The following CECR2 variants were observed in gnomAD, a reference collection of about 807,000 sequenced individuals.
The protein encoded by CECR2 is chromatin remodeling regulator CECR2.
A neutral mutation model predicts 154.5 loss-of-function variants in CECR2; 30 were observed. The ratio of observed to expected loss-of-function variants is 0.19; its 90% CI spans 0.15 to 0.26. CECR2 has a LOEUF of 0.26. Ranked by LOEUF, CECR2 falls within the 10% of genes least tolerant of loss-of-function variation. The pLI is 1.00. For missense variants in CECR2, 1,743 were observed against 1,829.3 expected (o/e 0.95, Z 0.86); for synonymous variants, 725 against 683.7 (o/e 1.06, Z -0.94).
intron 1 of CECR2, among the ~76,000 whole-genome samples, chr22:17,452,185 G>T (rs58986467): frequency 0.014 from 2,189 of 152,310 alleles, 50 homozygotes; most frequent in African/African-American, 0.05. Context: ...TGATTCTCCT[G>T]TCTCAGCCTC....
At chr22:17,401,606 T>C (rs539739635) in intron 1 of CECR2, among the ~76,000 whole-genome samples, 43 of 152,322 alleles carry the variant, frequency 2.8e-4, no homozygotes, top group Non-Finnish European at 5.0e-4. Context: ...TTCTACTCAG[T>C]GTAAATGGAG....
At chr22:17,477,737 C>T (rs547796727) in intron 2 of CECR2, 55 bp downstream of exon 2, 4 of 1,248,422 alleles carry the variant, frequency 3.2e-6, no homozygotes, top group Non-Finnish European at 4.7e-6. Flanking sequence ...AATTAACCAA[C>T]CATAGTGATG....
intron 1 of CECR2, among the ~76,000 whole-genome samples, chr22:17,467,324 C>T (rs1259513502): frequency 1.3e-5 from 2 of 152,174 alleles, no homozygotes; most frequent in Non-Finnish European, 2.9e-5. Context: ...AGATCTCTCT[C>T]AGCTGGGTGA....
chr22:17,465,020 G>C (rs1022887562), intron 1 of CECR2, among the ~76,000 whole-genome samples: 5 of 132,774 alleles, frequency 3.8e-5, no homozygotes, highest in African/African-American at 1.4e-4. Context: ...TTTTTGAGAC[G>C]AAGTCTCGCT....
chr22:17,498,695 C>A (rs1187893189), intron 3 of CECR2, among the ~76,000 whole-genome samples: 2 of 152,192 alleles, frequency 1.3e-5, no homozygotes, highest in Non-Finnish European at 2.9e-5. Flanking sequence ...GCCGGAACTG[C>A]CACAGAGGAT....
rs1307077129 is a variant in CECR2 at position 17,374,254 on chromosome 22, G to A, written c.126+4345G>A. ...GTCTCCTTCCTGGTTGTGTTTGTAC[G>A]TGGGTAAGATCTCTTACCTAATCAG... On this transcript the variant is annotated intron_variant, in intron 1 of 18. Transcript: ENST00000262608. 3.9e-5 allele frequency among the ~76,000 whole-genome samples: 6 copies of A among 152,220 alleles called. No individual in the cohort carries two copies. The South Asian group carries it at 1.0e-3, about 26-fold the overall frequency.
chr22:17,551,934 G>T, intron 17 of CECR2, 97 bp from the exon 18 acceptor site: 3 of 1,130,224 alleles, frequency 2.7e-6, no homozygotes, highest in Admixed American at 1.9e-5. Flanking sequence ...GATCACCGGG[G>T]TGATGAAGGC....
At chr22:17,538,117 C>G (rs1225202161) in intron 10 of CECR2, among the ~76,000 whole-genome samples, 1 of 152,148 alleles carries the variant, frequency 6.6e-6, no homozygotes, top group Non-Finnish European at 1.5e-5. Flanking sequence ...ATTCAGGAGG[C>G]TAAGGTGACA....
chr22:17,468,115 T>C (rs1177427419), intron 1 of CECR2, among the ~76,000 whole-genome samples: 2 of 152,166 alleles, frequency 1.3e-5, no homozygotes, highest in Non-Finnish European at 2.9e-5. Flanking sequence ...TTGTGGAAGA[T>C]AACAGCAGGT....
At chr22:17,538,854 C>A in intron 12 of CECR2, 123 bp downstream of exon 12, 1 of 1,309,690 alleles carries the variant, frequency 7.6e-7, no homozygotes, top group South Asian at 1.4e-5. Context: ...GTCAAAAGTT[C>A]ATGTGATGTT....
chr22:17,360,938 A>G (rs376112526), intron 1 of CECR2, among the ~76,000 whole-genome samples: 15 of 152,022 alleles, frequency 9.9e-5, no homozygotes, highest in African/African-American at 3.6e-4. Flanking sequence ...TGAGGCGGGT[A>G]GATTGCTTTA....
chr22:17,515,984 C>T (rs2056045827), intron 8 of CECR2, among the ~76,000 whole-genome samples: 1 of 152,150 alleles, frequency 6.6e-6, no homozygotes, highest in Admixed American at 6.5e-5. Context: ...CAGTACCAGC[C>T]TTAAATTAGT....
At chr22:17,411,388 C>T (rs539945844) in intron 1 of CECR2, among the ~76,000 whole-genome samples, 16 of 152,196 alleles carry the variant, frequency 1.1e-4, no homozygotes, top group Non-Finnish European at 2.1e-4. Flanking sequence ...CACTTTGGAA[C>T]GAGTCCATCA....
intron 2 of CECR2, among the ~76,000 whole-genome samples, chr22:17,483,025 C>T (rs1489324690): frequency 1.3e-5 from 2 of 152,128 alleles, no homozygotes; most frequent in African/African-American, 4.8e-5. Flanking sequence ...CAGCCTCAGG[C>T]GGTCCTTCAG....
intron 1 of CECR2, among the ~76,000 whole-genome samples, chr22:17,464,864 T>A (rs892610375): frequency 2.6e-5 from 4 of 152,194 alleles, no homozygotes; most frequent in African/African-American, 9.6e-5. Flanking sequence ...GCCTCTCTAT[T>A]AAGTTTTTCA....
chr22:17,522,729 G>A (rs945276930), intron 8 of CECR2, among the ~76,000 whole-genome samples: 11 of 152,170 alleles, frequency 7.2e-5, no homozygotes, highest in Non-Finnish European at 1.5e-4. Flanking sequence ...ACTGGGCCAC[G>A]CGCCATGGCT....
chr22:17,487,559 G>A (rs568250521), intron 2 of CECR2, among the ~76,000 whole-genome samples: 18 of 152,136 alleles, frequency 1.2e-4, no homozygotes, highest in Non-Finnish European at 1.8e-4. Flanking sequence ...AAATCAGCCG[G>A]GTTTGGTAGC....
chr22:17,366,033 G>C (rs927432080), upstream of CECR2, among the ~76,000 whole-genome samples: 7 of 152,086 alleles, frequency 4.6e-5, no homozygotes, highest in African/African-American at 1.4e-4. Flanking sequence ...TTTTTAAATA[G>C]AAAACATTTG....
In CECR2 at chr22:17,443,288, T is replaced by G. The variant is rs530684824; in HGVS notation, c.127-34300T>G. Among the ~76,000 whole-genome samples, 3 of 152,364 alleles carry G rather than the reference T, an allele frequency of 2.0e-5. No individual in the cohort carries two copies. The South Asian group carries it at 6.2e-4, about 32-fold the overall frequency. ...CGTTTTTAGTTTTAACAGTCAATAA[T>G]GTTGCTCTGGGCGATTTCTCTATTA... On this transcript the variant is annotated intron_variant, in intron 1 of 18. Coordinates refer to ENST00000262608, the MANE Select transcript of CECR2 (RefSeq NM_001290047.2).
Sources: gnomAD v4.1 joint callset for allele counts (sites outside exome capture counted in the v4.1 genomes callset) on GRCh38, gnomAD v4.1.1 for gene constraint, MANE v1.5 for transcripts, NCBI Gene and HGNC (gene_info 2026-07-23, HGNC 2026-07-21) for gene names.